Variants in PLXNA4 observed in about 807,000 individuals in gnomAD.
The protein encoded by PLXNA4 is plexin-A4.
In PLXNA4, 44 loss-of-function variants were observed where a neutral mutation model predicts 191.8. That is an observed-to-expected ratio of 0.23 (90% CI 0.18 to 0.29). The LOEUF (loss-of-function observed/expected upper bound fraction) is 0.29. PLXNA4 is among the 10% of genes least tolerant of loss of function. The probability of loss-of-function intolerance (pLI) is 1.00; values close to 1 mark genes in which losing one functional copy is unlikely to be tolerated. For synonymous variants in PLXNA4, 1,082 were observed against 1,009.5 expected (o/e 1.07, Z -1.36); for missense variants, 1,800 against 2,488.8 (o/e 0.72, Z 5.89).
intron 3 of PLXNA4, among the ~76,000 whole-genome samples, chr7:132,346,858 G>A (rs1803264731): frequency 1.3e-5 from 2 of 152,196 alleles, no homozygotes; most frequent in African/African-American, 4.8e-5. Context: ...TTATTGATGA[G>A]CTGTCTATTC....
rs567185986 is a variant in PLXNA4 at position 132,648,555 on chromosome 7, C to T, written c.-244G>A. 9 of 152,302 alleles carry T rather than the reference C, an allele frequency of 5.9e-5. No individual in the cohort carries two copies. The East Asian group carries it at 1.7e-3, about 29-fold the overall frequency. The allele number at this position is 152,302 out of a possible 1,614,324, so 9.4% of individuals were successfully genotyped here. On this transcript the variant is annotated 5_prime_UTR_variant, in exon 1 of 5. Transcript: ENST00000378539. ...AAGCAGAAGCATTCAAGGTTTCAGT[C>T]CCCATGTTCCCTCCTCAATCCAGCT...
chr7:132,218,377 T>C (rs922670928), intron 9 of PLXNA4, among the ~76,000 whole-genome samples: 3 of 152,230 alleles, frequency 2.0e-5, no homozygotes, highest in African/African-American at 4.8e-5. Flanking sequence ...GAGGCGTTCC[T>C]GAGAGCCTCC....
chr7:132,165,927 G>T (rs536592073), intron 22 of PLXNA4, among the ~76,000 whole-genome samples: 98 of 152,270 alleles, frequency 6.4e-4, no homozygotes, highest in Middle Eastern at 3.4e-3. Context: ...GGCTGGGCAC[G>T]GTGGCTCTTG....
chr7:132,172,624 C>T (rs1326375532), intron 21 of PLXNA4, among the ~76,000 whole-genome samples: 1 of 152,174 alleles, frequency 6.6e-6, no homozygotes, highest in Non-Finnish European at 1.5e-5. Context: ...CACACACAAT[C>T]CCTCGATTTC....
chr7:132,221,204 TAAAAG>T (rs1233129451), intron 9 of PLXNA4, among the ~76,000 whole-genome samples: 2 of 151,858 alleles, frequency 1.3e-5, no homozygotes, highest in East Asian at 1.9e-4. Context: ...CTTCTATACT[TAAAAG>T]AAAGAAATTT....
At chr7:132,509,351 C>T (rs955563280) in intron 1 of PLXNA4, among the ~76,000 whole-genome samples, 1 of 152,208 alleles carries the variant, frequency 6.6e-6, no homozygotes, top group South Asian at 2.1e-4. Flanking sequence ...CTATTACTAT[C>T]CACCCATACT....
At chr7:132,278,682 C>T (rs1800367729) in intron 4 of PLXNA4, among the ~76,000 whole-genome samples, 2 of 152,188 alleles carry the variant, frequency 1.3e-5, no homozygotes, top group Admixed American at 1.3e-4. Flanking sequence ...TATCTGCTGG[C>T]CACTATCAAG....
intron 4 of PLXNA4, among the ~76,000 whole-genome samples, 198 bp from the exon 5 acceptor site, chr7:132,241,364 A>T (rs745533801): frequency 2.6e-5 from 4 of 152,180 alleles, no homozygotes; most frequent in Non-Finnish European, 4.4e-5. Context: ...CAGGGAGACA[A>T]GCAGCCATAT....
At chr7:132,569,359 T>G (rs1465214825) in intron 1 of PLXNA4, among the ~76,000 whole-genome samples, 2 of 152,204 alleles carry the variant, frequency 1.3e-5, no homozygotes, top group African/African-American at 4.8e-5. Flanking sequence ...TCATAACACA[T>G]AGCTTCTTCC....
rs1480409345 is a variant in PLXNA4 at position 132,576,183 on chromosome 7, C to A, written c.-87+239G>T. ...AGTCCAGGAGCGTGAGAGGAGAACA[C>A]ACCCGGGAAATCCCTGCTCCGGCCG... On this transcript the variant is annotated intron_variant, in intron 1 of 31. Coordinates refer to ENST00000321063, the MANE Select transcript of PLXNA4 (RefSeq NM_020911.2). This position sits in a 1 kb window ranked among gnomAD's most constrained non-coding sequence, Gnocchi z 5.8. Among the ~76,000 whole-genome samples, 1 of 152,256 alleles carries A rather than the reference C, an allele frequency of 6.6e-6. No homozygotes were observed. Among genetic ancestry groups the A allele is most frequent in the East Asian group, 1.9e-4 (1 of 5,186 alleles).
chr7:132,567,938 A>G (rs1801808104), intron 1 of PLXNA4, among the ~76,000 whole-genome samples: 1 of 152,154 alleles, frequency 6.6e-6, no homozygotes, highest in East Asian at 1.9e-4. Context: ...GCTCACATCA[A>G]TCAGTGGTTA....
At position 132,435,107 on chromosome 7, in the gene PLXNA4, G is replaced by A. The variant is rs1007055262; in HGVS notation, c.1371+54185C>T. Among the ~76,000 whole-genome samples, 5 of 152,064 alleles carry A rather than the reference G, an allele frequency of 3.3e-5. No homozygotes were observed. The East Asian group carries it at 5.8e-4, about 18-fold the overall frequency. Reference sequence around the variant, plus strand: ...ACATCAGCCTATATCTCTAGGACTCGAGCAGGAAGTATGTTTGCCTCGCCT... The same window carrying A: ...ACATCAGCCTATATCTCTAGGACTCAAGCAGGAAGTATGTTTGCCTCGCCT... On this transcript the variant is annotated intron_variant, in intron 3 of 31. Coordinates refer to ENST00000321063, the MANE Select transcript of PLXNA4 (RefSeq NM_020911.2).
At position 132,513,695 on chromosome 7, in the gene PLXNA4, T is replaced by A. The variant is rs572847661; in HGVS notation, c.-86-4916A>T. Among the ~76,000 whole-genome samples the A allele has an allele frequency of 6.5e-5, 5 of 76,752 alleles. No individual in the cohort carries two copies. In the South Asian group the frequency reaches 2.1e-3, roughly 32 times the overall value. The allele number at this position is 76,752 out of a possible 152,430, so 50.4% of individuals were successfully genotyped here. On this transcript the variant is annotated intron_variant, in intron 1 of 31. Coordinates refer to ENST00000321063, the MANE Select transcript of PLXNA4 (RefSeq NM_020911.2). ...GTTTTGTTTTGTTTTGTTTTTGAGA[T>A]GGAGTCACCATCTGTCACCCAGGCT...
intron 1 of PLXNA4, among the ~76,000 whole-genome samples, chr7:132,514,911 T>C (rs1226619973): frequency 6.6e-6 from 1 of 152,130 alleles, no homozygotes; most frequent in Non-Finnish European, 1.5e-5. Context: ...TCAGAGACGG[T>C]GCATACCTGT....
At chr7:132,146,481 T>G in intron 28 of PLXNA4, 29 bp downstream of exon 28, 1 of 1,614,092 alleles carries the variant, frequency 6.2e-7, no homozygotes, top group Non-Finnish European at 8.5e-7. Context: ...GCCTCTGGGC[T>G]CCCTGCACCC....
chr7:132,200,002 C>T (rs2116851478), intron 12 of PLXNA4, among the ~76,000 whole-genome samples: 1 of 152,322 alleles, frequency 6.6e-6, no homozygotes, highest in South Asian at 2.1e-4. Flanking sequence ...GAGGGAGAGT[C>T]TGTGTTCTTC....
intron 3 of PLXNA4, among the ~76,000 whole-genome samples, chr7:132,335,774 T>A (rs746168113): frequency 4.6e-5 from 7 of 152,230 alleles, no homozygotes; most frequent in Non-Finnish European, 8.8e-5. Flanking sequence ...TTACCAAAGA[T>A]GAGAGACTGG....
chr7:132,232,784 G>A (rs1305179653), intron 5 of PLXNA4, among the ~76,000 whole-genome samples: 1 of 152,192 alleles, frequency 6.6e-6, no homozygotes, highest in African/African-American at 2.4e-5. Flanking sequence ...GAGAGGTGGT[G>A]ATTAAGTCCT....
intron 9 of PLXNA4, among the ~76,000 whole-genome samples, chr7:132,221,965 A>C (rs1011157529): frequency 6.6e-6 from 1 of 152,178 alleles, no homozygotes; most frequent in Admixed American, 6.5e-5. Context: ...TTATCTAGCA[A>C]GGAGGTCCAA....
Sources: gnomAD v4.1 joint callset for allele counts (sites outside exome capture counted in the v4.1 genomes callset) on GRCh38, gnomAD v4.1.1 for gene constraint, Gnocchi (gnomAD v3.1) non-coding constraint, MANE v1.5 for transcripts, NCBI Gene and HGNC (gene_info 2026-07-23, HGNC 2026-07-21) for gene names.